GPATCH2: variants seen among roughly 807,000 people sequenced by gnomAD.
The protein encoded by GPATCH2 is G patch domain-containing protein 2.
GPATCH2 carries 51 observed loss-of-function variants against 58.0 expected under a neutral mutation model. That is an observed-to-expected ratio of 0.88 (90% CI 0.70 to 1.11). The LOEUF (loss-of-function observed/expected upper bound fraction) is 1.11, where lower values mean the gene tolerates loss of function less well. Among genes scored for constraint, GPATCH2 ranks in the 50% most tolerant of loss-of-function variants. GPATCH2 has a pLI of 0.00. For missense variants in GPATCH2, 625 were observed against 652.2 expected (o/e 0.96, Z 0.45); for synonymous variants, 222 against 218.5 (o/e 1.02, Z -0.14).
rs144517986 is a variant in GPATCH2 at position 217,500,063 on chromosome 1, A to G, written c.1167-1668T>C. On this transcript the variant is annotated intron_variant, in intron 6 of 9. Coordinates refer to ENST00000366935, the MANE Select transcript of GPATCH2 (RefSeq NM_018040.5). ...TCTTTTTGATTAATCAATTGTAAAT[A>G]CAGACATTATTATGACTACATGAAT... Among the ~76,000 whole-genome samples the G allele has an allele frequency of 3.9e-4, 60 of 152,266 alleles. No individual in the cohort carries two copies. In the East Asian group the frequency reaches 0.011, roughly 27 times the overall value.
chr1:217,452,404 A>G (rs999137880), intron 8 of GPATCH2, among the ~76,000 whole-genome samples: 2 of 152,224 alleles, frequency 1.3e-5, no homozygotes, highest in African/African-American at 4.8e-5. Flanking sequence ...GTTTCTTAAG[A>G]AACACATTTT....
chr1:217,447,021 G>A (rs1374025756), intron 9 of GPATCH2, among the ~76,000 whole-genome samples: 1 of 152,092 alleles, frequency 6.6e-6, no homozygotes, highest in Non-Finnish European at 1.5e-5. Context: ...TTCTTGTACT[G>A]TTTCTGCCGC....
intron 8 of GPATCH2, among the ~76,000 whole-genome samples, chr1:217,454,285 T>C (rs899436085): frequency 1.1e-4 from 17 of 152,268 alleles, no homozygotes; most frequent in African/African-American, 3.9e-4. Flanking sequence ...ACTAGAATGA[T>C]TGAATTAAAT....
intron 9 of GPATCH2, among the ~76,000 whole-genome samples, chr1:217,433,386 T>TATATATATATATA (rs1558388568): frequency 9.6e-4 from 28 of 29,038 alleles, no homozygotes; most frequent in African/African-American, 2.7e-3. Flanking sequence ...ATATATATAT[T>TATATATATATATA]TATTTATTTA....
At chr1:217,482,426 G>C (rs1443826506) in intron 8 of GPATCH2, among the ~76,000 whole-genome samples, 1 of 152,056 alleles carries the variant, frequency 6.6e-6, no homozygotes, top group Non-Finnish European at 1.5e-5. Flanking sequence ...AGGAAATGAG[G>C]AGAAAGCCAT....
chr1:217,569,178 G>A (rs536839966), intron 5 of GPATCH2, among the ~76,000 whole-genome samples: 6 of 151,740 alleles, frequency 4.0e-5, no homozygotes, highest in Non-Finnish European at 5.9e-5. Context: ...TACAGATGAC[G>A]AAATGGGAGT....
intron 8 of GPATCH2, among the ~76,000 whole-genome samples, chr1:217,476,670 G>A (rs1229586989): frequency 6.6e-6 from 1 of 152,098 alleles, no homozygotes; most frequent in Admixed American, 6.6e-5. Flanking sequence ...TGCCCACGGA[G>A]GAAACATTTA....
chr1:217,524,049 C>G (rs1464967910), intron 5 of GPATCH2, among the ~76,000 whole-genome samples: 1 of 148,718 alleles, frequency 6.7e-6, no homozygotes, highest in Non-Finnish European at 1.5e-5. Context: ...CCTCACCTCC[C>G]GGATGGGGCG....
chr1:217,505,828 T>A (rs1662526641), intron 6 of GPATCH2, among the ~76,000 whole-genome samples: 1 of 152,192 alleles, frequency 6.6e-6, no homozygotes, highest in South Asian at 2.1e-4. Context: ...AATTTATTTT[T>A]ATTTATTTTT....
intron 9 of GPATCH2, among the ~76,000 whole-genome samples, chr1:217,446,746 A>G (rs542152503): frequency 6.6e-6 from 1 of 152,290 alleles, no homozygotes; most frequent in African/African-American, 2.4e-5. Flanking sequence ...AAAATCTGGT[A>G]TATGCTGGTG....
At chr1:217,529,377 T>C (rs900045476) in intron 5 of GPATCH2, among the ~76,000 whole-genome samples, 1 of 152,120 alleles carries the variant, frequency 6.6e-6, no homozygotes, top group Non-Finnish European at 1.5e-5. Context: ...AATGGTTTGG[T>C]TCCCTCTGCA....
intron 6 of GPATCH2, among the ~76,000 whole-genome samples, chr1:217,508,213 G>C (rs775881179): frequency 1.3e-5 from 2 of 152,074 alleles, no homozygotes; most frequent in Non-Finnish European, 2.9e-5. Flanking sequence ...TCTCAGTCTA[G>C]AGTTAAAGAC....
At chr1:217,550,816 C>T (rs1163447145) in intron 5 of GPATCH2, among the ~76,000 whole-genome samples, 1 of 151,024 alleles carries the variant, frequency 6.6e-6, no homozygotes, top group Non-Finnish European at 1.5e-5. Context: ...AATAAAATAT[C>T]TGTGATATTA....
At position 217,611,033 on chromosome 1, in the gene GPATCH2, A is replaced by AT. The variant is rs767420421; in HGVS notation, c.873dup (p.Ser292IlefsTer21). 6 of 1,613,488 alleles carry AT rather than the reference A, an allele frequency of 3.7e-6. No individual in the cohort carries two copies. The South Asian group carries it at 6.6e-5, about 18-fold the overall frequency. On this transcript the variant is annotated frameshift_variant, in exon 4 of 10. Coordinates refer to ENST00000366935, the MANE Select transcript of GPATCH2 (RefSeq NM_018040.5). LOFTEE classifies it high-confidence loss of function. ...CCAGTGATACCACATGCTCCACCTG[A>AT]TTCCTTTTCGTAGAACCAGTCACTC...
intron 5 of GPATCH2, among the ~76,000 whole-genome samples, chr1:217,584,222 C>A (rs10863325): frequency 2.7e-5 from 4 of 150,114 alleles, no homozygotes; most frequent in South Asian, 2.1e-4. Context: ...TCGAGGCCTC[C>A]CGCGGTGGCT....
intron 8 of GPATCH2, among the ~76,000 whole-genome samples, chr1:217,486,701 A>G (rs954396578): frequency 1.3e-5 from 2 of 152,220 alleles, no homozygotes; most frequent in African/African-American, 4.8e-5. Flanking sequence ...CTGTCAGGCA[A>G]TGGCATGTGG....
intron 5 of GPATCH2, among the ~76,000 whole-genome samples, chr1:217,586,998 G>A (rs1667371438): frequency 6.6e-6 from 1 of 152,168 alleles, no homozygotes; most frequent in Non-Finnish European, 1.5e-5. Flanking sequence ...TGGGAGAAGA[G>A]GTGATATAAT....
At chr1:217,515,100 A>ATT (rs776832847) in intron 5 of GPATCH2, among the ~76,000 whole-genome samples, 87 of 143,842 alleles carry the variant, frequency 6.0e-4, no homozygotes, top group African/African-American at 1.9e-3. Flanking sequence ...CCTCTGCTAG[A>ATT]TTTTTTTTTT....
chr1:217,557,617 T>G (rs867198149), intron 5 of GPATCH2, among the ~76,000 whole-genome samples: 5 of 152,184 alleles, frequency 3.3e-5, no homozygotes, highest in African/African-American at 1.2e-4. Flanking sequence ...CAGATAGAGA[T>G]TCCAACTTCA....
Sources: allele counts gnomAD v4.1 joint callset (sites outside exome capture counted in the v4.1 genomes callset), GRCh38; gene constraint gnomAD v4.1.1; transcripts MANE v1.5; gene names NCBI Gene and HGNC (gene_info 2026-07-23, HGNC 2026-07-21).